CNTNAP2: variants seen among roughly 807,000 people sequenced by gnomAD.
CNTNAP2 encodes the protein contactin-associated protein-like 2.
In CNTNAP2, 98 loss-of-function variants were observed where a neutral mutation model predicts 155.2. The observed-to-expected ratio is 0.63, with a 90% CI of 0.54 to 0.75. The LOEUF is 0.75. Ranked by LOEUF, CNTNAP2 falls within the 30% of genes least tolerant of loss-of-function variation. The probability of loss-of-function intolerance (pLI) is 0.00; values close to 1 mark genes in which losing one functional copy is unlikely to be tolerated. For synonymous variants in CNTNAP2, 651 were observed against 631.2 expected, an observed-to-expected ratio of 1.03 and a Z score of -0.47; for missense variants, 1,727 against 1,688.1, an observed-to-expected ratio of 1.02 and a Z score of -0.40.
chr7:146,459,374 A>G (rs1389646626), intron 1 of CNTNAP2, among the ~76,000 whole-genome samples: 1 of 152,088 alleles, frequency 6.6e-6, no homozygotes, highest in Non-Finnish European at 1.5e-5. Context: ...TTACCACCTC[A>G]CTCCCTCAGG....
At chr7:147,597,421 C>A (rs1355379225) in intron 12 of CNTNAP2, among the ~76,000 whole-genome samples, 1 of 152,156 alleles carries the variant, frequency 6.6e-6, no homozygotes, top group East Asian at 1.9e-4. Context: ...CTAAGGAGAT[C>A]CTTCCTGTTG....
At chr7:146,744,575 T>C (rs1801778398) in intron 1 of CNTNAP2, among the ~76,000 whole-genome samples, 1 of 152,202 alleles carries the variant, frequency 6.6e-6, no homozygotes, top group African/African-American at 2.4e-5. Context: ...ATGTCTGCAT[T>C]GCTTGAAAAT....
intron 8 of CNTNAP2, among the ~76,000 whole-genome samples, chr7:147,235,134 T>C (rs151337328): frequency 2.7e-3 from 408 of 152,210 alleles, no homozygotes; most frequent in African/African-American, 9.2e-3. Context: ...AAAGACTGAC[T>C]CTTCCCCGAG....
chr7:148,344,949 A>C (rs1376899127), intron 21 of CNTNAP2, among the ~76,000 whole-genome samples: 1 of 152,218 alleles, frequency 6.6e-6, no homozygotes, highest in African/African-American at 2.4e-5. Flanking sequence ...GCCGCGATTT[A>C]GCCATGAGCT....
intron 4 of CNTNAP2, among the ~76,000 whole-genome samples, chr7:147,060,757 T>A (rs376678695): frequency 6.6e-6 from 1 of 151,472 alleles, no homozygotes; most frequent in Non-Finnish European, 1.5e-5. Flanking sequence ...CCAGCTACTC[T>A]GGAGGCTGAG....
chr7:147,962,986 A>T (rs1801138575), intron 14 of CNTNAP2, among the ~76,000 whole-genome samples: 2 of 152,162 alleles, frequency 1.3e-5, no homozygotes, highest in Non-Finnish European at 2.9e-5. Context: ...TGACAATAAG[A>T]TATACCATGG....
intron 1 of CNTNAP2, among the ~76,000 whole-genome samples, chr7:146,159,062 C>T (rs1451401236): frequency 6.6e-6 from 1 of 152,132 alleles, no homozygotes; most frequent in Non-Finnish European, 1.5e-5. Context: ...ACTCTACAAG[C>T]CAGAAGGGAG....
chr7:147,855,236 G>C (rs116392068), intron 13 of CNTNAP2, among the ~76,000 whole-genome samples: 11 of 152,056 alleles, frequency 7.2e-5, no homozygotes, highest in Middle Eastern at 6.8e-3. Context: ...ACTAATGAAG[G>C]GGGAGAAGGA....
Position 147,132,319 on chromosome 7 carries a change from G to A in CNTNAP2, c.1158G>A (p.Val386=), listed in dbSNP as rs1801391947. Residue 386 remains valine, a synonymous_variant, in exon 8 of 24, where the codon GTG becomes GTA. Coordinates refer to ENST00000361727, the MANE Select transcript of CNTNAP2 (RefSeq NM_014141.6). ...VFFNATSYLE[V]PGRLNQDLFS... ...TCAACGCTACAAGTTACCTGGAGGTGCCCGGACGGCTTAACCAGGACCTGT... is the reference window on the plus strand; with the variant it reads ...TCAACGCTACAAGTTACCTGGAGGTACCCGGACGGCTTAACCAGGACCTGT... 1 of 1,613,702 alleles carries A rather than the reference G, an allele frequency of 6.2e-7. No individual in the cohort carries two copies. The highest frequency in any genetic ancestry group is 1.1e-5 in the South Asian group (1 of 91,084).
At chr7:147,022,340 C>G (rs1364194485) in intron 3 of CNTNAP2, among the ~76,000 whole-genome samples, 1 of 152,066 alleles carries the variant, frequency 6.6e-6, no homozygotes, top group Admixed American at 6.6e-5. Context: ...CCCAACCCTC[C>G]CTTAGAAAAT....
chr7:146,936,950 TTAAAA>T (rs993320453), intron 3 of CNTNAP2, among the ~76,000 whole-genome samples: 3 of 152,208 alleles, frequency 2.0e-5, no homozygotes, highest in African/African-American at 4.8e-5. Flanking sequence ...TCCTTTAAAT[TTAAAA>T]TAAAATAAAA....
intron 1 of CNTNAP2, among the ~76,000 whole-genome samples, chr7:146,759,850 A>T (rs1802061296): frequency 6.6e-6 from 1 of 152,174 alleles, no homozygotes; most frequent in African/African-American, 2.4e-5. Context: ...ACCAATTAAT[A>T]AAGCCATATT....
chr7:146,438,785 G>A (rs2129118801), intron 1 of CNTNAP2, among the ~76,000 whole-genome samples: 1 of 151,476 alleles, frequency 6.6e-6, no homozygotes, highest in Non-Finnish European at 1.5e-5. Context: ...TTTTTATTGA[G>A]CTTTGGTTGA....
At chr7:148,244,526 G>T (rs1056809183) in intron 20 of CNTNAP2, among the ~76,000 whole-genome samples, 1 of 148,024 alleles carries the variant, frequency 6.8e-6, no homozygotes, top group Non-Finnish European at 1.5e-5. Context: ...TAGGGTTTTT[G>T]ATGTTGCCTT....
At position 147,949,546 on chromosome 7, in the gene CNTNAP2, A is replaced by G. The variant is rs560191878; in HGVS notation, c.2256-28316A>G. ...GCTCAAGATGTCTTAAGAAACTTAG[A>G]AACACAGCTAGGAATAAATTACAGC... On this transcript the variant is annotated intron_variant, in intron 14 of 23. Transcript: ENST00000361727. 4.3e-4 allele frequency among the ~76,000 whole-genome samples: 66 copies of G among 152,034 alleles called. No individual in the cohort carries two copies. The South Asian group carries it at 8.3e-3, about 19-fold the overall frequency.
chr7:147,496,352 A>G (rs750246951), intron 11 of CNTNAP2, among the ~76,000 whole-genome samples: 1 of 152,170 alleles, frequency 6.6e-6, no homozygotes, highest in Non-Finnish European at 1.5e-5. Flanking sequence ...ATAACAGGTT[A>G]TGGGCTCTCA....
At chr7:148,249,919 C>G (rs1563011489) in intron 20 of CNTNAP2, among the ~76,000 whole-genome samples, 1 of 152,230 alleles carries the variant, frequency 6.6e-6, no homozygotes, top group Admixed American at 6.5e-5. Context: ...TCCTCCCTTG[C>G]CCTTGCAGGA....
At position 146,694,454 on chromosome 7, in the gene CNTNAP2, T is replaced by C. The variant is rs185663406; in HGVS notation, c.98-79817T>C. On this transcript the variant is annotated intron_variant, in intron 1 of 23. Coordinates refer to ENST00000361727, the MANE Select transcript of CNTNAP2 (RefSeq NM_014141.6). ...TTTCTGGACTGTCTATTCTGTTACA[T>C]TGATGTATTTGCCTATTCTTTCAAT... Among the ~76,000 whole-genome samples, 458 of 152,300 alleles carry C rather than the reference T, an allele frequency of 3.0e-3. 3 individuals carry two copies. Among genetic ancestry groups the C allele is most frequent in the Non-Finnish European group, 4.6e-3 (316 of 68,026 alleles).
At chr7:147,205,092 A>G (rs1283093221) in intron 8 of CNTNAP2, among the ~76,000 whole-genome samples, 2 of 152,050 alleles carry the variant, frequency 1.3e-5, no homozygotes, top group African/African-American at 2.4e-5. Flanking sequence ...CAGCTTTGCT[A>G]TATATATTTC....
Sources: gnomAD v4.1 joint callset for allele counts (sites outside exome capture counted in the v4.1 genomes callset) on GRCh38, gnomAD v4.1.1 for gene constraint, MANE v1.5 for transcripts, NCBI Gene and HGNC (gene_info 2026-07-23, HGNC 2026-07-21) for gene names.